The following TMOD1 variants were observed in gnomAD, a reference collection of about 807,000 sequenced individuals.
TMOD1 encodes tropomodulin 1.
TMOD1 carries 17 observed loss-of-function variants against 40.6 expected under a neutral mutation model. That is an observed-to-expected ratio of 0.42 (90% CI 0.29 to 0.63). The LOEUF is 0.63. Among genes scored for constraint, TMOD1 ranks in the 20% least tolerant of loss-of-function variants. The pLI, the probability that TMOD1 is intolerant of heterozygous loss-of-function variation, is 0.22. For synonymous variants in TMOD1, 181 were observed against 175.0 expected (o/e 1.03, Z -0.27); for missense variants, 391 against 447.6 (o/e 0.87, Z 1.14).
chr9:97,598,163 T>C (rs938361345), intron 9 of TMOD1, among the ~76,000 whole-genome samples: 7 of 152,138 alleles, frequency 4.6e-5, no homozygotes, highest in African/African-American at 1.7e-4. Flanking sequence ...CCCCCATCTC[T>C]ACTAAAAACA....
chr9:97,587,755 TA>T (rs1336956375), intron 8 of TMOD1, among the ~76,000 whole-genome samples: 1 of 152,210 alleles, frequency 6.6e-6, no homozygotes, highest in Admixed American at 6.6e-5. Context: ...ATTCTGCTTT[TA>T]TCCCCTCCCC....
intron 1 of TMOD1, among the ~76,000 whole-genome samples, chr9:97,514,124 C>T (rs898745040): frequency 7.9e-5 from 12 of 151,774 alleles, no homozygotes; most frequent in African/African-American, 1.9e-4. Context: ...CACAGCAGCA[C>T]GATCTTGGCT....
intron 1 of TMOD1, among the ~76,000 whole-genome samples, chr9:97,514,851 G>A (rs969219722): frequency 6.6e-6 from 1 of 152,356 alleles, no homozygotes; most frequent in Admixed American, 6.5e-5. Flanking sequence ...TACCTGGATC[G>A]GGGCAGACAA....
In TMOD1 at chr9:97,600,684, T is replaced by TA; in HGVS notation, c.*987dup. 1 of 998,814 alleles carries TA rather than the reference T, an allele frequency of 1.0e-6. No individual in the cohort carries two copies. Among genetic ancestry groups the TA allele is most frequent in the Non-Finnish European group, 1.2e-6 (1 of 838,180 alleles). The allele number at this position is 998,814 out of a possible 1,614,324, so 61.9% of individuals were successfully genotyped here. On this transcript the variant is annotated 3_prime_UTR_variant, in exon 10 of 10. Transcript: ENST00000259365. Reference sequence around the variant, plus strand: ...CAAATTGCTGCTGACCTTACGCCTGTATATTAAGCCTCCGCAGGATGCCGG... The same window carrying TA: ...CAAATTGCTGCTGACCTTACGCCTGTAATATTAAGCCTCCGCAGGATGCCGG...
At chr9:97,542,110 G>A (rs908983740) in intron 2 of TMOD1, among the ~76,000 whole-genome samples, 3 of 152,154 alleles carry the variant, frequency 2.0e-5, no homozygotes, top group African/African-American at 7.2e-5. Flanking sequence ...TTATAGTGTA[G>A]TTCTTATATC....
chr9:97,577,044 A>G (rs925310583), intron 8 of TMOD1, among the ~76,000 whole-genome samples: 6 of 151,240 alleles, frequency 4.0e-5, no homozygotes, highest in Admixed American at 3.3e-4. Context: ...ATTGTTAATA[A>G]TGTGGTTATA....
At chr9:97,559,793 AAATATATATAT>A (rs1352058347) in intron 4 of TMOD1, among the ~76,000 whole-genome samples, 82 of 31,512 alleles carry the variant, frequency 2.6e-3, no homozygotes, top group African/African-American at 9.4e-3. Flanking sequence ...AAAAAAAAAA[AAATATATATAT>A]ATATATATAT....
chr9:97,515,220 C>CT (rs985568286), intron 1 of TMOD1, among the ~76,000 whole-genome samples: 7 of 141,984 alleles, frequency 4.9e-5, no homozygotes, highest in African/African-American at 1.8e-4. Flanking sequence ...AAAAACAAAC[C>CT]ACCATGCCAG....
chr9:97,575,942 G>A (rs1266906932), intron 8 of TMOD1, among the ~76,000 whole-genome samples: 3 of 152,150 alleles, frequency 2.0e-5, no homozygotes, highest in East Asian at 1.9e-4. Flanking sequence ...ATTTGAAAGC[G>A]CCTATCTTTC....
At chr9:97,594,937 T>C (rs917505144) in intron 9 of TMOD1, among the ~76,000 whole-genome samples, 1 of 152,152 alleles carries the variant, frequency 6.6e-6, no homozygotes, top group African/African-American at 2.4e-5. Context: ...GTTAAGACAG[T>C]TGTGTGGGTT....
chr9:97,573,690 G>A (rs1830857078), intron 8 of TMOD1, among the ~76,000 whole-genome samples: 2 of 152,304 alleles, frequency 1.3e-5, no homozygotes, highest in South Asian at 4.1e-4. Context: ...CACAGCGTGG[G>A]CAGGAGACCT....
chr9:97,536,982 C>G (rs1320183479), intron 2 of TMOD1, among the ~76,000 whole-genome samples: 3 of 152,184 alleles, frequency 2.0e-5, no homozygotes, highest in Admixed American at 2.0e-4. Context: ...TGGTGAGCCA[C>G]CAGTCTGAAG....
intron 8 of TMOD1, among the ~76,000 whole-genome samples, chr9:97,588,734 A>G (rs967317137): frequency 5.3e-5 from 8 of 152,160 alleles, no homozygotes; most frequent in Non-Finnish European, 1.2e-4. Flanking sequence ...GGTCTTATTT[A>G]ATGTATTTCA....
At chr9:97,552,871 C>A (rs1333749532) in intron 3 of TMOD1, among the ~76,000 whole-genome samples, 2 of 152,180 alleles carry the variant, frequency 1.3e-5, no homozygotes, top group South Asian at 4.1e-4. Context: ...TTATTTTTCT[C>A]CCTTTTCATA....
chr9:97,533,766 C>A lies in TMOD1; in HGVS notation c.120+9458C>A, dbSNP rs74971979. ...GTGCCCCGTCTGTGGCCTCACAGCC[C>A]TGGGCTGAGAACCCAGGTTATCAGG... is the stretch of plus-strand genomic sequence containing the variant. On this transcript the variant is annotated intron_variant, in intron 2 of 9. Transcript: ENST00000259365. Among the ~76,000 whole-genome samples, 264 of 152,358 alleles carry A rather than the reference C, an allele frequency of 1.7e-3. 1 individual carries two copies. Among genetic ancestry groups the A allele is most frequent in the African/African-American group, 6.1e-3 (255 of 41,574 alleles).
Position 97,577,307 on chromosome 9 carries a change from G to C in TMOD1, c.870+8270G>C, listed in dbSNP as rs151038819. On this transcript the variant is annotated intron_variant, in intron 8 of 9. Coordinates refer to ENST00000259365, the MANE Select transcript of TMOD1 (RefSeq NM_003275.4). ...ATGCTGAGCCAAACACCATCTGCGT[G>C]TAGTTCCTCTCGTCAGTCCTACTTC... Among the ~76,000 whole-genome samples, 252 of 151,932 alleles carry C rather than the reference G, an allele frequency of 1.7e-3. 1 individual carries two copies. Among genetic ancestry groups the C allele is most frequent in the African/African-American group, 5.8e-3 (237 of 41,206 alleles).
chr9:97,563,975 T>C, intron 5 of TMOD1, 63 bp from the exon 6 acceptor site: 2 of 1,578,804 alleles, frequency 1.3e-6, no homozygotes, highest in Non-Finnish European at 1.7e-6. Flanking sequence ...ACAGTATCTT[T>C]GTGTTGGCAG....
intron 9 of TMOD1, among the ~76,000 whole-genome samples, chr9:97,592,415 A>C (rs1826020998): frequency 6.9e-6 from 1 of 145,210 alleles, no homozygotes; most frequent in Non-Finnish European, 1.5e-5. Context: ...AAGGGAAGGA[A>C]GCATAATGAG....
Position 97,599,777 on chromosome 9 carries a change from C to T in TMOD1, c.*79C>T, listed in dbSNP as rs1338654513. On this transcript the variant is annotated 3_prime_UTR_variant, in exon 10 of 10. Coordinates refer to ENST00000259365, the MANE Select transcript of TMOD1 (RefSeq NM_003275.4). ...GTGCTCTGCAGGGGAAACCAGAAGG[C>T]AAAATGCTGGCAGCATGAAACCCTT... The T allele has an allele frequency of 2.5e-6, 4 of 1,606,602 alleles. No individual in the cohort carries two copies. The highest frequency in any genetic ancestry group is 3.4e-6 in the Non-Finnish European group (4 of 1,175,454).
Sources: allele counts gnomAD v4.1 joint callset (sites outside exome capture counted in the v4.1 genomes callset), GRCh38; gene constraint gnomAD v4.1.1; transcripts MANE v1.5; gene names NCBI Gene and HGNC (gene_info 2026-07-23, HGNC 2026-07-21).